Variants in PTGFRN observed in about 807,000 individuals in gnomAD.
PTGFRN encodes prostaglandin F2 receptor negative regulator.
Under a neutral mutation model 83.2 loss-of-function variants are expected in PTGFRN, and 35 were observed. The observed-to-expected ratio is 0.42, with a 90% CI of 0.32 to 0.56. PTGFRN has a LOEUF of 0.56. Ranked by LOEUF, PTGFRN falls within the 20% of genes least tolerant of loss-of-function variation. The pLI, the probability that PTGFRN is intolerant of heterozygous loss-of-function variation, is 0.11. For synonymous variants in PTGFRN, 519 were observed against 498.6 expected, an observed-to-expected ratio of 1.04 and a Z score of -0.55; for missense variants, 1,051 against 1,179.5, an observed-to-expected ratio of 0.89 and a Z score of 1.60.
Position 116,941,992 on chromosome 1 carries a change from C to T in PTGFRN, c.327C>T (p.Val109=). 1 of 1,614,194 alleles carries T rather than the reference C, an allele frequency of 6.2e-7. No homozygotes were observed. The highest frequency in any genetic ancestry group is 1.6e-4 in the Middle Eastern group (1 of 6,062). ...NDAVELHIKN[V]QPSDQGHYKC... Reference sequence around the variant, plus strand: ...CCGTGGAGCTCCACATAAAGAACGTCCAGCCTTCAGACCAAGGCCACTACA... The same window carrying T: ...CCGTGGAGCTCCACATAAAGAACGTTCAGCCTTCAGACCAAGGCCACTACA... The change falls in exon 2 of 9, where the codon GTC becomes GTT. Residue 109 remains valine, a synonymous_variant. Coordinates refer to ENST00000393203, the MANE Select transcript of PTGFRN (RefSeq NM_020440.4). This position sits in a 1 kb window ranked among gnomAD's most constrained non-coding sequence, Gnocchi z 5.0.
chr1:116,950,964 A>G (rs1570662135), intron 4 of PTGFRN, among the ~76,000 whole-genome samples: 1 of 152,156 alleles, frequency 6.6e-6, no homozygotes, highest in Non-Finnish European at 1.5e-5. Flanking sequence ...AATAAAACAG[A>G]TGTTGTCAGC....
Position 116,910,023 on chromosome 1 carries a change from C to T in PTGFRN, c.-181C>T, listed in dbSNP as rs1041762542. 2.8e-6 allele frequency: 2 copies of T among 705,668 alleles called. No individual in the cohort carries two copies. The highest frequency in any genetic ancestry group is 1.6e-5 in the South Asian group (1 of 63,410). 43.7% of individuals were successfully genotyped at this position (705,668 alleles called of 1,614,324 possible). A position where few individuals can be genotyped will look rare whatever the true frequency, so the allele number is the denominator to read the frequency against. ...AGGGAAGGAGGCGGGAGGGAGCGAG[C>T]GGAGCCAGGGGCGCACGTACGCCCC... On this transcript the variant is annotated 5_prime_UTR_variant, in exon 1 of 9. Transcript: ENST00000393203.
intron 4 of PTGFRN, among the ~76,000 whole-genome samples, chr1:116,957,996 A>G (rs1425533228): frequency 1.3e-5 from 2 of 151,442 alleles, no homozygotes; most frequent in Non-Finnish European, 2.9e-5. Flanking sequence ...TATATACCAT[A>G]TTTTTTTAAT....
At chr1:116,979,409 C>T (rs1570679586) in intron 7 of PTGFRN, among the ~76,000 whole-genome samples, 1 of 152,300 alleles carries the variant, frequency 6.6e-6, no homozygotes, top group East Asian at 1.9e-4. Flanking sequence ...GCCCGCATTG[C>T]CAAGTCAATC....
At chr1:116,942,109 T>C (rs1650078879) in intron 2 of PTGFRN, 26 bp downstream of exon 2, 4 of 1,586,436 alleles carry the variant, frequency 2.5e-6, no homozygotes, top group South Asian at 2.3e-5. Flanking sequence ...GGGCTTGTTA[T>C]GCCAGGGGCC....
Position 116,986,831 on chromosome 1 carries a change from T to C in PTGFRN, c.2504T>C (p.Ile835Thr), listed in dbSNP as rs1651503557. Residue 835 changes from isoleucine to threonine, a missense_variant, in exon 9 of 9, where the codon ATC becomes ACC. By Grantham distance (89) the Ile-to-Thr change is moderately conservative (BLOSUM62 -1). This residue lies in a region of PTGFRN where 719 missense variants were observed against 836.6 expected (regional missense o/e 0.86). Coordinates refer to ENST00000393203, the MANE Select transcript of PTGFRN (RefSeq NM_020440.4). ...AACGCCTTCAAGTATCCCTTGCTGATCGGCGTCGGTCTGTCCACGGTCATC... is the reference window on the plus strand; with the variant it reads ...AACGCCTTCAAGTATCCCTTGCTGACCGGCGTCGGTCTGTCCACGGTCATC... Reference protein sequence around the residue: ...VLNAFKYPLLIGVGLSTVIGL... With the variant: ...VLNAFKYPLLTGVGLSTVIGL... 1 of 1,614,024 alleles carries C rather than the reference T, an allele frequency of 6.2e-7. No individual in the cohort carries two copies. Among genetic ancestry groups the C allele is most frequent in the African/African-American group, 1.3e-5 (1 of 74,938 alleles).
intron 1 of PTGFRN, among the ~76,000 whole-genome samples, chr1:116,937,541 G>T (rs2986539): frequency 0.11 from 17,368 of 152,122 alleles, 1,428 homozygotes; most frequent in African/African-American, 0.23. Context: ...ATCAGTGAAG[G>T]GACATCGGAT....
intron 1 of PTGFRN, among the ~76,000 whole-genome samples, chr1:116,925,273 C>G (rs942525018): frequency 1.3e-5 from 2 of 151,904 alleles, no homozygotes; most frequent in East Asian, 3.9e-4. Flanking sequence ...GTTAAAAATA[C>G]AAAAATTAGC....
intron 1 of PTGFRN, 64 bp downstream of exon 1, chr1:116,910,316 G>C: frequency 8.0e-7 from 1 of 1,246,422 alleles, no homozygotes; most frequent in Non-Finnish European, 1.0e-6. Context: ...GGCTCGGCGG[G>C]GCGCGGCTGC....
chr1:116,931,646 C>T (rs1003688948), intron 1 of PTGFRN, among the ~76,000 whole-genome samples: 2 of 151,970 alleles, frequency 1.3e-5, no homozygotes, highest in Non-Finnish European at 2.9e-5. Flanking sequence ...ATTTTCATGA[C>T]TTAGGGACTG....
In PTGFRN at chr1:116,941,867, G is replaced by T. The variant is rs1012614038; in HGVS notation, c.202G>T (p.Val68Leu). 4.3e-6 allele frequency: 7 copies of T among 1,614,076 alleles called. No homozygotes were observed. The highest frequency in any genetic ancestry group is 1.3e-5 in the African/African-American group (1 of 74,924). Residue 68 changes from valine (V) to leucine (L), a missense_variant, in exon 2 of 9, where the codon GTG becomes TTG. Val to Leu is a conservative substitution (Grantham distance 32). Transcript: ENST00000393203. The surrounding 1 kb of genome is among the most constrained non-coding windows in gnomAD (Gnocchi z 5.0). ...CTTCTCATCTTTGGGGAGCAGCTTT[G>T]TGGAGCTTGCAAGCACCTGGGAGGT... ...WSFSSLGSSF[V>L]ELASTWEVGF...
intron 4 of PTGFRN, among the ~76,000 whole-genome samples, chr1:116,953,389 G>C (rs765545201): frequency 1.3e-5 from 2 of 152,188 alleles, no homozygotes; most frequent in African/African-American, 2.4e-5. Flanking sequence ...GATTATTCTG[G>C]AAGGCAGAAG....
intron 7 of PTGFRN, among the ~76,000 whole-genome samples, chr1:116,978,079 A>T (rs1376547830): frequency 6.6e-6 from 1 of 152,236 alleles, no homozygotes; most frequent in East Asian, 1.9e-4. Flanking sequence ...CTACCATCAG[A>T]GAATACTATA....
intron 1 of PTGFRN, among the ~76,000 whole-genome samples, chr1:116,937,244 G>A (rs1191463453): frequency 1.3e-5 from 2 of 152,148 alleles, no homozygotes; most frequent in Non-Finnish European, 2.9e-5. Flanking sequence ...AACAAAAACG[G>A]CCAGGTCCTG....
At position 116,961,600 on chromosome 1, in the gene PTGFRN, G is replaced by A. The variant is rs764580059; in HGVS notation, c.1571G>A (p.Arg524Gln). ...YCVVSAWTKQ[R>Q]NNSWVKSKDV... ...GTTGTGTCTGCCTGGACCAAACAGC[G>A]GAACAACAGCTGGGTGAAAAGCAAG... Residue 524 changes from arginine (R) to glutamine (Q), a missense_variant, in exon 5 of 9, where the codon CGG becomes CAG. Physicochemically the swap from Arg to Gln is conservative, Grantham distance 43. Coordinates refer to ENST00000393203, the MANE Select transcript of PTGFRN (RefSeq NM_020440.4). This position sits in a 1 kb window ranked among gnomAD's most constrained non-coding sequence, Gnocchi z 5.4. 25 of 1,614,012 alleles carry A rather than the reference G, an allele frequency of 1.5e-5. No individual in the cohort carries two copies. Among genetic ancestry groups the A allele is most frequent in the African/African-American group, 6.7e-5 (5 of 74,906 alleles).
intron 5 of PTGFRN, among the ~76,000 whole-genome samples, chr1:116,963,759 C>T (rs1650739885): frequency 6.6e-6 from 1 of 151,414 alleles, no homozygotes; most frequent in South Asian, 2.1e-4. Flanking sequence ...GGGTGCTCAC[C>T]ACCACATTCA....
intron 1 of PTGFRN, among the ~76,000 whole-genome samples, chr1:116,940,145 C>T (rs1185409873): frequency 6.6e-6 from 1 of 152,214 alleles, no homozygotes; most frequent in African/African-American, 2.4e-5. Context: ...AGAGCTGCCG[C>T]AACAAAGTAG....
intron 2 of PTGFRN, among the ~76,000 whole-genome samples, chr1:116,942,461 C>T (rs1048990949): frequency 6.6e-6 from 1 of 152,184 alleles, no homozygotes; most frequent in African/African-American, 2.4e-5. Flanking sequence ...GGGCATGTTA[C>T]ATGCCTCAGC....
intron 8 of PTGFRN, among the ~76,000 whole-genome samples, chr1:116,986,475 C>T (rs1027872128): frequency 2.0e-5 from 3 of 152,140 alleles, no homozygotes; most frequent in African/African-American, 4.8e-5. Context: ...TGCTGCTGAA[C>T]GTGCGGTGCC....
Sources: gnomAD v4.1 joint callset for allele counts (sites outside exome capture counted in the v4.1 genomes callset) on GRCh38, gnomAD v4.1.1 for gene constraint, gnomAD v4.1.1 regional missense constraint, Gnocchi (gnomAD v3.1) non-coding constraint, MANE v1.5 for transcripts, NCBI Gene and HGNC (gene_info 2026-07-23, HGNC 2026-07-21) for gene names.